The following HMGCLL1 variants were observed in gnomAD, a reference collection of about 807,000 sequenced individuals.
HMGCLL1 encodes the protein 3-hydroxymethyl-3-methylglutaryl-CoA lyase, cytoplasmic.
In HMGCLL1, 36 loss-of-function variants were observed where a neutral mutation model predicts 39.1. The ratio of observed to expected loss-of-function variants is 0.92; its 90% CI spans 0.71 to 1.22. The LOEUF (loss-of-function observed/expected upper bound fraction) is 1.22. Ranked by LOEUF, HMGCLL1 falls within the 50% of genes most tolerant of loss-of-function variation. The pLI, the probability that HMGCLL1 is intolerant of heterozygous loss-of-function variation, is 0.00. For synonymous variants in HMGCLL1, 149 were observed against 144.0 expected (o/e 1.03, Z -0.25); for missense variants, 451 against 416.5 (o/e 1.08, Z -0.72).
intron 3 of HMGCLL1, among the ~76,000 whole-genome samples, chr6:55,517,676 A>G (rs1767812798): frequency 6.6e-6 from 1 of 151,970 alleles, no homozygotes; most frequent in Non-Finnish European, 1.5e-5. Flanking sequence ...GAAAAATATT[A>G]TAATATTAAA....
chr6:55,506,826 T>G (rs746656684), intron 5 of HMGCLL1, among the ~76,000 whole-genome samples: 24 of 122,206 alleles, frequency 2.0e-4, no homozygotes, highest in Middle Eastern at 4.1e-3. Context: ...ATGGGGAAAG[T>G]TTTCAACTTA....
the HMGCLL1 span, among the ~76,000 whole-genome samples, chr6:55,650,085 A>G: frequency 1.7e-5 from 1 of 57,182 alleles, no homozygotes; most frequent in Non-Finnish European, 3.2e-5. Context: ...ATACACACAC[A>G]TATACATATA....
At chr6:55,538,001 CT>C (rs544092889) in intron 3 of HMGCLL1, among the ~76,000 whole-genome samples, 150 of 151,336 alleles carry the variant, frequency 9.9e-4, no homozygotes, top group Non-Finnish European at 1.7e-3. Context: ...AAGGGACTGC[CT>C]TTTTTTTTCC....
At chr6:55,568,608 A>G (rs1771324955) in intron 1 of HMGCLL1, among the ~76,000 whole-genome samples, 1 of 152,206 alleles carries the variant, frequency 6.6e-6, no homozygotes, top group Non-Finnish European at 1.5e-5. Flanking sequence ...TGCAACTACT[A>G]CGTAGACTAA....
chr6:55,481,672 AT>A (rs11307027), intron 7 of HMGCLL1, among the ~76,000 whole-genome samples: 149,320 of 150,774 alleles, frequency 0.99, 73,958 homozygotes, highest in Middle Eastern at 1. Flanking sequence ...GTTCCAACCT[AT>A]TTTTTTTTTG....
At chr6:55,610,725 C>T in the HMGCLL1 span, among the ~76,000 whole-genome samples, 3 of 152,132 alleles carry the variant, frequency 2.0e-5, no homozygotes, top group Non-Finnish European at 4.4e-5. Flanking sequence ...CACTAAGACA[C>T]ATAATCATCA....
chr6:55,512,371 C>T (rs567345162), intron 5 of HMGCLL1: 4 of 151,946 alleles, frequency 2.6e-5, no homozygotes, highest in Non-Finnish European at 5.9e-5. Flanking sequence ...ATTGAGACAA[C>T]TTATTTATAT....
chr6:55,511,262 TGCATTC>T (rs1419998384), intron 5 of HMGCLL1, among the ~76,000 whole-genome samples: 2 of 152,150 alleles, frequency 1.3e-5, no homozygotes, highest in African/African-American at 2.4e-5. Flanking sequence ...TATTTCATTT[TGCATTC>T]GCATATAACC....
intron 7 of HMGCLL1, among the ~76,000 whole-genome samples, chr6:55,465,634 C>G (rs1025194005): frequency 2.0e-5 from 3 of 151,914 alleles, no homozygotes; most frequent in African/African-American, 7.2e-5. Context: ...TTCCCATTTA[C>G]TCTTAGTTTA....
At chr6:55,466,173 T>C (rs1412700940) in intron 7 of HMGCLL1, among the ~76,000 whole-genome samples, 1 of 152,078 alleles carries the variant, frequency 6.6e-6, no homozygotes, top group Non-Finnish European at 1.5e-5. Context: ...CTGAGCAAGA[T>C]TATGCCTGAT....
chr6:55,627,889 A>ATATATATATATTATATATATATATAT, the HMGCLL1 span, among the ~76,000 whole-genome samples: 2 of 31,014 alleles, frequency 6.4e-5, 1 homozygote, highest in African/African-American at 2.5e-4. Flanking sequence ...CCTTATATAT[A>ATATATATATATTATATATATATATAT]TATATATATA....
the HMGCLL1 span, among the ~76,000 whole-genome samples, chr6:55,677,774 A>T: frequency 2.0e-5 from 3 of 152,230 alleles, no homozygotes. Context: ...AACACAACCT[A>T]TAAGTGATAA....
intron 7 of HMGCLL1, among the ~76,000 whole-genome samples, chr6:55,456,726 G>T (rs905126331): frequency 6.6e-6 from 1 of 152,144 alleles, no homozygotes; most frequent in African/African-American, 2.4e-5. Flanking sequence ...GACAGGCCCA[G>T]CATGGTTCCA....
chr6:55,490,670 A>G (rs532983373), intron 7 of HMGCLL1, among the ~76,000 whole-genome samples: 2 of 152,264 alleles, frequency 1.3e-5, no homozygotes, highest in South Asian at 4.1e-4. Flanking sequence ...TTATTTTTAA[A>G]TGTTGATTAA....
chr6:55,647,397 GTTA>G, the HMGCLL1 span, among the ~76,000 whole-genome samples: 1 of 151,706 alleles, frequency 6.6e-6, no homozygotes, highest in Non-Finnish European at 1.5e-5. Flanking sequence ...TAAATTCAAT[GTTA>G]TTATTGATAA....
intron 7 of HMGCLL1, among the ~76,000 whole-genome samples, chr6:55,478,600 T>C (rs1765577737): frequency 6.6e-6 from 1 of 151,432 alleles, no homozygotes; most frequent in Admixed American, 6.6e-5. Flanking sequence ...TGAAACTATT[T>C]AGCAGAAACC....
At chr6:55,666,074 C>A in the HMGCLL1 span, among the ~76,000 whole-genome samples, 209 of 151,760 alleles carry the variant, frequency 1.4e-3, no homozygotes, top group African/African-American at 4.8e-3. Flanking sequence ...GGAATCCCTA[C>A]GCTCATAACT....
chr6:55,583,865 T>C (rs1772025735), upstream of HMGCLL1, among the ~76,000 whole-genome samples: 1 of 152,120 alleles, frequency 6.6e-6, no homozygotes, highest in South Asian at 2.1e-4. Flanking sequence ...ATATAATAAA[T>C]ATAGAACTTA....
chr6:55,528,366 A>C (rs568872760), intron 3 of HMGCLL1, among the ~76,000 whole-genome samples: 1 of 152,212 alleles, frequency 6.6e-6, no homozygotes, highest in East Asian at 1.9e-4. Context: ...AACTCCTCTT[A>C]AAGGCGATAC....
Sources: allele counts gnomAD v4.1 joint callset (sites outside exome capture counted in the v4.1 genomes callset), GRCh38; gene constraint gnomAD v4.1.1; transcripts MANE v1.5; gene names NCBI Gene and HGNC (gene_info 2026-07-23, HGNC 2026-07-21).